NEK1: variants seen among roughly 807,000 people sequenced by gnomAD.
NEK1 encodes the protein serine/threonine-protein kinase Nek1.
A neutral mutation model predicts 182.1 loss-of-function variants in NEK1; 137 were observed. The observed-to-expected ratio is 0.75, with a 90% confidence interval of 0.65 to 0.87. The LOEUF (loss-of-function observed/expected upper bound fraction) is 0.87, where lower values mean the gene tolerates loss of function less well. Among genes scored for constraint, NEK1 ranks in the 40% least tolerant of loss-of-function variants. The pLI is 0.00. For missense variants in NEK1, 1,391 were observed against 1,494.4 expected (o/e 0.93, Z 1.14); for synonymous variants, 513 against 492.2 (o/e 1.04, Z -0.56).
chr4:169,498,327 C>T (rs965692867), intron 23 of NEK1, among the ~76,000 whole-genome samples: 1 of 152,174 alleles, frequency 6.6e-6, no homozygotes, highest in Non-Finnish European at 1.5e-5. Context: ...TTCCTGAATA[C>T]AGCACACTGA....
chr4:169,557,398 C>T (rs1762310054), intron 16 of NEK1, among the ~76,000 whole-genome samples: 1 of 151,776 alleles, frequency 6.6e-6, no homozygotes. Context: ...TATAATGCTA[C>T]AGAAGTCATG....
At chr4:169,532,823 G>A (rs771453564) in intron 19 of NEK1, among the ~76,000 whole-genome samples, 9 of 151,612 alleles carry the variant, frequency 5.9e-5, no homozygotes, top group Non-Finnish European at 1.2e-4. Context: ...ATGATGGCAC[G>A]CGCCTGTAGT....
intron 27 of NEK1, among the ~76,000 whole-genome samples, chr4:169,440,281 TCA>T (rs748044698): frequency 9.2e-5 from 14 of 151,956 alleles, no homozygotes; most frequent in Admixed American, 3.3e-4. Context: ...TGAAATTCAC[TCA>T]CAATCAGAAA....
intron 2 of NEK1, among the ~76,000 whole-genome samples, chr4:169,609,613 G>GTA (rs1261692024): frequency 1.3e-5 from 2 of 149,686 alleles, no homozygotes; most frequent in Admixed American, 6.6e-5. Flanking sequence ...ATATACATAT[G>GTA]TATATATATA....
chr4:169,475,427 T>C (rs966293794), intron 26 of NEK1, among the ~76,000 whole-genome samples: 1 of 152,044 alleles, frequency 6.6e-6, no homozygotes, highest in African/African-American at 2.4e-5. Context: ...CTCACAAATA[T>C]TAAAAATAAG....
intron 23 of NEK1, among the ~76,000 whole-genome samples, chr4:169,482,829 GGTT>G (rs1748323065): frequency 6.6e-6 from 1 of 151,982 alleles, no homozygotes; most frequent in Non-Finnish European, 1.5e-5. Flanking sequence ...GTAGAGATGG[GGTT>G]CACTATGTTA....
At chr4:169,537,940 A>T (rs1024612925) in intron 18 of NEK1, 29 bp from the exon 19 acceptor site, 1 of 1,461,624 alleles carries the variant, frequency 6.8e-7, no homozygotes, top group Non-Finnish European at 9.3e-7. Context: ...AAAGTCAGCC[A>T]TCCTGAACAG....
At chr4:169,467,644 T>C (rs1745174716) in intron 26 of NEK1, among the ~76,000 whole-genome samples, 2 of 152,212 alleles carry the variant, frequency 1.3e-5, no homozygotes, top group Admixed American at 6.6e-5. Context: ...TTTTCAACTT[T>C]ACAATGGGTT....
chr4:169,416,310 C>G (rs1226998127), intron 31 of NEK1, among the ~76,000 whole-genome samples: 1 of 152,206 alleles, frequency 6.6e-6, no homozygotes, highest in Non-Finnish European at 1.5e-5. Context: ...AGTGGTCCCA[C>G]TATCCCACAT....
chr4:169,498,435 G>T (rs1370248690), intron 23 of NEK1, among the ~76,000 whole-genome samples: 5 of 152,136 alleles, frequency 3.3e-5, no homozygotes, highest in African/African-American at 1.2e-4. Flanking sequence ...GTGTGAATTT[G>T]ATCCCTTCAT....
At chr4:169,608,806 C>T (rs1005250149) in intron 2 of NEK1, among the ~76,000 whole-genome samples, 2 of 152,086 alleles carry the variant, frequency 1.3e-5, no homozygotes, top group African/African-American at 2.4e-5. Flanking sequence ...CACTTGTAAT[C>T]CCAGCACTTT....
chr4:169,438,784 C>A (rs1328674053), intron 27 of NEK1, among the ~76,000 whole-genome samples: 1 of 152,188 alleles, frequency 6.6e-6, no homozygotes, highest in African/African-American at 2.4e-5. Context: ...TCTGTCATAA[C>A]TAATTTAGGT....
At chr4:169,555,602 CA>C (rs1468196542) in intron 18 of NEK1, 117 bp downstream of exon 18, 6 of 1,377,328 alleles carry the variant, frequency 4.4e-6, no homozygotes, top group African/African-American at 1.4e-5. Context: ...ACCCAAGAGG[CA>C]AAAAACATCA....
intron 26 of NEK1, among the ~76,000 whole-genome samples, chr4:169,466,688 C>G (rs987537032): frequency 1.3e-5 from 2 of 152,002 alleles, no homozygotes; most frequent in Admixed American, 6.6e-5. Flanking sequence ...CAGGACTGTA[C>G]TACAAAAAAT....
intron 26 of NEK1, among the ~76,000 whole-genome samples, chr4:169,467,316 C>A (rs557070213): frequency 6.6e-6 from 1 of 151,992 alleles, no homozygotes; most frequent in Non-Finnish European, 1.5e-5. Flanking sequence ...CCCCAACCCC[C>A]GTATTATTCA....
chr4:169,406,817 G>T, intron 31 of NEK1, 70 bp from the exon 32 acceptor site: 1 of 1,309,090 alleles, frequency 7.6e-7, no homozygotes, highest in African/African-American at 1.5e-5. Context: ...GAGAAAACTA[G>T]AACTAATCAC....
At chr4:169,423,666 C>T (rs1035829090) in intron 31 of NEK1, among the ~76,000 whole-genome samples, 1 of 152,018 alleles carries the variant, frequency 6.6e-6, no homozygotes, top group African/African-American at 2.4e-5. Flanking sequence ...AGGCAGTATA[C>T]AATATAACCT....
At chr4:169,495,718 T>C (rs1751115604) in intron 23 of NEK1, among the ~76,000 whole-genome samples, 1 of 152,196 alleles carries the variant, frequency 6.6e-6, no homozygotes, top group African/African-American at 2.4e-5. Context: ...GTTGTAGATA[T>C]GCAGCATTAT....
At chr4:169,417,892 T>C (rs1037856151) in intron 31 of NEK1, among the ~76,000 whole-genome samples, 2 of 152,208 alleles carry the variant, frequency 1.3e-5, no homozygotes, top group Non-Finnish European at 2.9e-5. Context: ...GCAGCCTTGC[T>C]AGACTGATGA....
Sources: allele counts gnomAD v4.1 joint callset (sites outside exome capture counted in the v4.1 genomes callset), GRCh38; gene constraint gnomAD v4.1.1; transcripts MANE v1.5; gene names NCBI Gene and HGNC (gene_info 2026-07-23, HGNC 2026-07-21).